Variants in FUBP1 observed in about 807,000 individuals in gnomAD.
FUBP1 encodes the protein far upstream element binding protein 1.
A neutral mutation model predicts 94.9 loss-of-function variants in FUBP1; 16 were observed. That is an observed-to-expected ratio of 0.17 (90% CI 0.11 to 0.26). The LOEUF (loss-of-function observed/expected upper bound fraction) is 0.26, where lower values mean the gene tolerates loss of function less well. Among genes scored for constraint, FUBP1 ranks in the 10% least tolerant of loss-of-function variants. The pLI is 1.00. For synonymous variants in FUBP1, 279 were observed against 254.9 expected (o/e 1.09, Z -0.90); for missense variants, 583 against 808.6 (o/e 0.72, Z 3.38).
At chr1:77,977,849 C>G (rs1225383230) in intron 1 of FUBP1, among the ~76,000 whole-genome samples, 1 of 152,308 alleles carries the variant, frequency 6.6e-6, no homozygotes, top group Non-Finnish European at 1.5e-5. Flanking sequence ...AGATGTGTTA[C>G]AACGGATTTT....
chr1:77,960,989 G>A (rs1655366375), intron 14 of FUBP1, among the ~76,000 whole-genome samples: 1 of 152,140 alleles, frequency 6.6e-6, no homozygotes. Context: ...GTTTCACTAT[G>A]AAACTAAAAT....
In FUBP1 at chr1:77,955,280, A is replaced by G. The variant is rs763872593; in HGVS notation, c.1755T>C (p.Ala585=). The change falls in exon 18 of 20, where the codon GCT becomes GCC. Residue 585 remains alanine, a synonymous_variant. Coordinates refer to ENST00000370768, the MANE Select transcript of FUBP1 (RefSeq NM_003902.5). The stretch of plus-strand genomic sequence containing the variant: ...CCATTTTCTTGTAGTACTCTTCCCA[A>G]GCCTTGGTATAATCAACCTGTCCAG... ...APAGQVDYTK[A]WEEYYKKMGQ... 3 of 1,520,690 alleles carry G rather than the reference A, an allele frequency of 2.0e-6. No individual in the cohort carries two copies. Among genetic ancestry groups the G allele is most frequent in the Non-Finnish European group, 2.7e-6 (3 of 1,094,804 alleles). The allele number at this position is 1,520,690 out of a possible 1,614,324, so 94.2% of individuals were successfully genotyped here.
At chr1:77,974,729 A>C (rs1658285719) in intron 1 of FUBP1, among the ~76,000 whole-genome samples, 2 of 152,352 alleles carry the variant, frequency 1.3e-5, no homozygotes, top group South Asian at 4.1e-4. Context: ...ATTACCGTGT[A>C]TATATTGGAT....
intron 3 of FUBP1, 103 bp downstream of exon 3, chr1:77,968,062 A>C: frequency 1.4e-6 from 1 of 694,360 alleles, no homozygotes; most frequent in Non-Finnish European, 2.4e-6. Flanking sequence ...GATCCAAAAT[A>C]CTCATAAACC....
intron 2 of FUBP1, among the ~76,000 whole-genome samples, chr1:77,969,534 A>G (rs578226118): frequency 6.6e-6 from 1 of 152,242 alleles, no homozygotes; most frequent in South Asian, 2.1e-4. Flanking sequence ...GCAATTGGAA[A>G]TAGAAAAATG....
chr1:77,956,175 T>TCTAC (rs1654427470), intron 17 of FUBP1, among the ~76,000 whole-genome samples: 1 of 152,228 alleles, frequency 6.6e-6, no homozygotes, highest in Admixed American at 6.5e-5. Context: ...GATGGTTATG[T>TCTAC]ATTTTTGAAG....
chr1:77,968,941 A>C (rs1657018343), intron 2 of FUBP1: 1 of 464,316 alleles, frequency 2.2e-6, no homozygotes, highest in Admixed American at 3.0e-5. Flanking sequence ...ATAATCCAAG[A>C]AATATTTGTG....
chr1:77,968,014 G>C, intron 3 of FUBP1, 151 bp downstream of exon 3: 1 of 558,964 alleles, frequency 1.8e-6, no homozygotes, highest in Non-Finnish European at 3.1e-6. Flanking sequence ...TAAAATAGGA[G>C]AAAAAGGTAT....
chr1:77,958,544 A>T (rs1654895090), intron 16 of FUBP1, among the ~76,000 whole-genome samples: 1 of 152,208 alleles, frequency 6.6e-6, no homozygotes, highest in Non-Finnish European at 1.5e-5. Flanking sequence ...GGACCCAGTA[A>T]CCCTTTGATA....
intron 13 of FUBP1, among the ~76,000 whole-genome samples, chr1:77,963,311 T>C (rs1246784621): frequency 6.6e-6 from 1 of 152,162 alleles, no homozygotes; most frequent in Non-Finnish European, 1.5e-5. Flanking sequence ...CAAACCACTT[T>C]TTGGGTCAAA....
intron 16 of FUBP1, among the ~76,000 whole-genome samples, chr1:77,959,371 G>C (rs531749290): frequency 6.6e-6 from 1 of 152,026 alleles, no homozygotes; most frequent in East Asian, 1.9e-4. Context: ...ATAATTAAAC[G>C]TATTTGGGCT....
rs1204216836 is a variant in FUBP1 at position 77,947,185 on chromosome 1, T to C, written c.*1581A>G. ...AAAAACAATATTTTAGGAGCACCAG[T>C]GAATAATACTATTCAACTTTGTTAA... On this transcript the variant is annotated 3_prime_UTR_variant, in exon 20 of 20. Transcript: ENST00000370768. 1 of 214,522 alleles carries C rather than the reference T, an allele frequency of 4.7e-6. No homozygotes were observed. The highest frequency in any genetic ancestry group is 2.3e-5 in the African/African-American group (1 of 43,900). 13.3% of individuals were successfully genotyped at this position (214,522 alleles called of 1,614,324 possible).
At chr1:77,964,432 C>T (rs994844666) in intron 10 of FUBP1, 76 bp from the exon 11 acceptor site, 33 of 906,008 alleles carry the variant, frequency 3.6e-5, no homozygotes, top group South Asian at 1.1e-4. Context: ...TTTAAAAAAG[C>T]GCCATTTCCT....
In FUBP1 at chr1:77,965,105, G is replaced by A. The variant is rs1656236695; in HGVS notation, c.600C>T (p.Val200=). The change falls in exon 8 of 20, where the codon GTC becomes GTT. Residue 200 remains valine (V), a synonymous_variant. Transcript: ENST00000370768. ...TAATAGTTTCTCCCCCTTTTCCAAT[G>A]ACTAATCCTGCCTTGCTAGCTGGAA... ...IMIPASKAGL[V]IGKGGETIKQ... 6.2e-7 allele frequency: 1 copy of A among 1,612,364 alleles called. No homozygotes were observed. Among genetic ancestry groups the A allele is most frequent in the African/African-American group, 1.3e-5 (1 of 74,988 alleles).
In FUBP1 at chr1:77,955,346, A is replaced by G; in HGVS notation, c.1706-17T>C. 6.7e-7 allele frequency: 1 copy of G among 1,497,800 alleles called. No homozygotes were observed. Among genetic ancestry groups the G allele is most frequent in the Non-Finnish European group, 9.3e-7 (1 of 1,077,284 alleles). 92.8% of individuals were successfully genotyped at this position (1,497,800 alleles called of 1,614,324 possible). On this transcript the variant is annotated splice_polypyrimidine_tract_variant and intron_variant, in intron 17 of 19. Transcript: ENST00000370768. ...GCTGATCTCCTTGTTCAAGCAAAAC[A>G]AAACAAAAAACAGAATTAAAGTTTT...
intron 6 of FUBP1, 62 bp downstream of exon 6, chr1:77,966,822 T>TA (rs200892659): frequency 0.14 from 139,746 of 1,010,374 alleles, 1,749 homozygotes; most frequent in Admixed American, 0.22. Context: ...CTAGAAGGCT[T>TA]AAAAAAAAAA....
At chr1:77,969,456 T>TA (rs368430326) in intron 2 of FUBP1, among the ~76,000 whole-genome samples, 1,975 of 148,174 alleles carry the variant, frequency 0.013, 25 homozygotes, top group Middle Eastern at 0.045. Context: ...TAAAGAACAT[T>TA]AAAAAAAAAA....
At chr1:77,966,544 A>C (rs918362771) in intron 7 of FUBP1, 150 bp downstream of exon 7, 14 of 604,398 alleles carry the variant, frequency 2.3e-5, no homozygotes, top group Non-Finnish European at 3.3e-5. Flanking sequence ...GAAAGGCATG[A>C]GGCATAAACT....
chr1:77,969,367 T>A (rs896741671), intron 2 of FUBP1, among the ~76,000 whole-genome samples: 1 of 152,040 alleles, frequency 6.6e-6, no homozygotes, highest in South Asian at 2.1e-4. Flanking sequence ...TTACGATTTT[T>A]AAAAATACAT....
Sources: allele counts gnomAD v4.1 joint callset (sites outside exome capture counted in the v4.1 genomes callset), GRCh38; gene constraint gnomAD v4.1.1; transcripts MANE v1.5; gene names NCBI Gene and HGNC (gene_info 2026-07-23, HGNC 2026-07-21).